KPNA3: variants seen among roughly 807,000 people sequenced by gnomAD.
KPNA3 encodes the protein importin subunit alpha-4.
A neutral mutation model predicts 73.8 loss-of-function variants in KPNA3; 13 were observed. The ratio of observed to expected loss-of-function variants is 0.18; its 90% CI spans 0.11 to 0.28. KPNA3 has a LOEUF of 0.28. Among genes scored for constraint, KPNA3 ranks in the 10% least tolerant of loss-of-function variants. The pLI, the probability that KPNA3 is intolerant of heterozygous loss-of-function variation, is 1.00. For synonymous variants in KPNA3, 186 were observed against 206.9 expected, an observed-to-expected ratio of 0.90 and a Z score of 0.87; for missense variants, 360 against 618.1, an observed-to-expected ratio of 0.58 and a Z score of 4.43.
chr13:49,762,555 A>G (rs1440630477), intron 1 of KPNA3, among the ~76,000 whole-genome samples: 1 of 152,222 alleles, frequency 6.6e-6, no homozygotes, highest in African/African-American at 2.4e-5. Flanking sequence ...CTGTTGATCT[A>G]TGACCTTGCC....
At chr13:49,776,662 A>G (rs572250079) in intron 1 of KPNA3, among the ~76,000 whole-genome samples, 1 of 152,358 alleles carries the variant, frequency 6.6e-6, no homozygotes, top group East Asian at 1.9e-4. Flanking sequence ...AATATGAATT[A>G]GTACACAAAT....
At chr13:49,779,290 T>G (rs139706537) in intron 1 of KPNA3, among the ~76,000 whole-genome samples, 189 of 152,326 alleles carry the variant, frequency 1.2e-3, no homozygotes, top group African/African-American at 4.4e-3. Context: ...ATAAATCCTA[T>G]TTTGCTTACC....
chr13:49,789,949 T>C (rs1359874800), intron 1 of KPNA3, among the ~76,000 whole-genome samples: 1 of 152,140 alleles, frequency 6.6e-6, no homozygotes, highest in Non-Finnish European at 1.5e-5. Context: ...CTCCAAGTAG[T>C]TTTTTTGGCA....
rs533376840 is a variant in KPNA3 at position 49,700,620 on chromosome 13, G to C, written c.*1180C>G. On this transcript the variant is annotated 3_prime_UTR_variant, in exon 17 of 17. Transcript: ENST00000261667. ...AATATGTGAAGATGCTTTTTGAGTA[G>C]GATCTGAATTAACTTTCCCAATACT... 1 of 152,704 alleles carries C rather than the reference G, an allele frequency of 6.5e-6. No homozygotes were observed. The highest frequency in any genetic ancestry group is 6.5e-5 in the Admixed American group (1 of 15,286). The allele number at this position is 152,704 out of a possible 1,614,324, so 9.5% of individuals were successfully genotyped here. A position where few individuals can be genotyped will look rare whatever the true frequency, so the allele number is the denominator to read the frequency against.
rs1442862755 is a variant in KPNA3 at position 49,734,499 on chromosome 13, TAAAAGAA to T, written c.115-1460_115-1454del. 3.9e-5 allele frequency among the ~76,000 whole-genome samples: 6 copies of T among 152,142 alleles called. No homozygotes were observed. The East Asian group carries it at 1.2e-3, about 29-fold the overall frequency. On this transcript the variant is annotated intron_variant, in intron 2 of 16. Coordinates refer to ENST00000261667, the MANE Select transcript of KPNA3 (RefSeq NM_002267.4). ...AAAAAGAAAAGAAAAACAAATAAACTAAAAGAAAAAATTATTTCACTCTTAGATAAAA... is the reference window on the plus strand; with the variant it reads ...AAAAAGAAAAGAAAAACAAATAAACTAAAATTATTTCACTCTTAGATAAAA...
At chr13:49,707,275 T>G (rs543827672) in intron 12 of KPNA3, among the ~76,000 whole-genome samples, 3 of 152,328 alleles carry the variant, frequency 2.0e-5, no homozygotes, top group African/African-American at 7.2e-5. Context: ...TAGTATCACA[T>G]GTGTATCTTC....
chr13:49,765,600 G>A (rs11841789), intron 1 of KPNA3, among the ~76,000 whole-genome samples: 4,316 of 152,200 alleles, frequency 0.028, 211 homozygotes, highest in African/African-American at 0.098. Flanking sequence ...GCCTCCCAAA[G>A]TGCTGGGTTA....
At chr13:49,745,236 G>A (rs1463792746) in intron 2 of KPNA3, among the ~76,000 whole-genome samples, 1 of 152,120 alleles carries the variant, frequency 6.6e-6, no homozygotes, top group African/African-American at 2.4e-5. Flanking sequence ...GAAACAAAGT[G>A]TGTATTTAAA....
At chr13:49,781,833 A>G (rs181654933) in intron 1 of KPNA3, among the ~76,000 whole-genome samples, 1 of 152,364 alleles carries the variant, frequency 6.6e-6, no homozygotes, top group East Asian at 1.9e-4. Context: ...TATGTTGCAA[A>G]CAACAGCAAC....
intron 1 of KPNA3, among the ~76,000 whole-genome samples, chr13:49,766,536 G>T (rs932462100): frequency 1.3e-5 from 2 of 152,182 alleles, no homozygotes; most frequent in African/African-American, 4.8e-5. Flanking sequence ...GAAACATTTA[G>T]CCTCTCTATA....
At chr13:49,769,862 GA>G (rs2137592416) in intron 1 of KPNA3, among the ~76,000 whole-genome samples, 1 of 152,266 alleles carries the variant, frequency 6.6e-6, no homozygotes, top group Non-Finnish European at 1.5e-5. Flanking sequence ...CATCCTACCA[GA>G]AGCGTATTAG....
chr13:49,733,381 T>C (rs1287410696), intron 2 of KPNA3, among the ~76,000 whole-genome samples: 3 of 148,674 alleles, frequency 2.0e-5, no homozygotes, highest in Non-Finnish European at 4.4e-5. Flanking sequence ...CTCTGCTTCC[T>C]GGGTTCAGGT....
chr13:49,701,315 A>G lies in KPNA3; in HGVS notation c.*485T>C. The G allele has an allele frequency of 5.2e-6, 1 of 191,236 alleles. No homozygotes were observed. Among genetic ancestry groups the G allele is most frequent in the Non-Finnish European group, 1.1e-5 (1 of 87,064 alleles). The allele number at this position is 191,236 out of a possible 1,614,324, so 11.8% of individuals were successfully genotyped here. On this transcript the variant is annotated 3_prime_UTR_variant, in exon 17 of 17. Transcript: ENST00000261667. ...TCATTTGGCTTGTACTTTAAAATCT[A>G]TTCTTCCACATAAAGAATATGAAAA...
intron 2 of KPNA3, among the ~76,000 whole-genome samples, chr13:49,741,845 G>A (rs1954577158): frequency 6.6e-6 from 1 of 152,024 alleles, no homozygotes; most frequent in African/African-American, 2.4e-5. Flanking sequence ...ATTTTCTATA[G>A]GTTCTCTCTT....
chr13:49,753,455 C>T (rs1398655072), intron 1 of KPNA3, among the ~76,000 whole-genome samples: 1 of 152,224 alleles, frequency 6.6e-6, no homozygotes, highest in Non-Finnish European at 1.5e-5. Context: ...TATATGAGCA[C>T]TTTCTGAAGA....
At chr13:49,710,532 G>C (rs910891431) in intron 11 of KPNA3, among the ~76,000 whole-genome samples, 2 of 152,234 alleles carry the variant, frequency 1.3e-5, no homozygotes, top group Admixed American at 1.3e-4. Context: ...AATGGGAATT[G>C]CAAGGAGGAA....
chr13:49,720,826 A>G (rs1274661890), intron 9 of KPNA3, among the ~76,000 whole-genome samples: 1 of 151,960 alleles, frequency 6.6e-6, no homozygotes. Context: ...ATCTATTTAC[A>G]TATCAAATGT....
chr13:49,787,365 A>G (rs1333651567), intron 1 of KPNA3, among the ~76,000 whole-genome samples: 2 of 152,238 alleles, frequency 1.3e-5, no homozygotes, highest in Non-Finnish European at 2.9e-5. Context: ...GTATAGAAAT[A>G]GCAATTTCTG....
chr13:49,721,616 G>A (rs138561205), intron 9 of KPNA3, among the ~76,000 whole-genome samples: 402 of 152,190 alleles, frequency 2.6e-3, no homozygotes, highest in Admixed American at 4.9e-3. Flanking sequence ...TCAGGAGGTC[G>A]AGACCATCCT....
Sources: gnomAD v4.1 joint callset for allele counts (sites outside exome capture counted in the v4.1 genomes callset) on GRCh38, gnomAD v4.1.1 for gene constraint, MANE v1.5 for transcripts, NCBI Gene and HGNC (gene_info 2026-07-23, HGNC 2026-07-21) for gene names.